The following SAMD3 variants were observed in gnomAD, a reference collection of about 807,000 sequenced individuals.
SAMD3 encodes the protein sterile alpha motif domain-containing protein 3.
A neutral mutation model predicts 58.5 loss-of-function variants in SAMD3; 63 were observed. The ratio of observed to expected loss-of-function variants is 1.08; its 90% CI spans 0.88 to 1.33. SAMD3 has a LOEUF of 1.33. SAMD3 is among the 40% of genes most tolerant of loss of function. SAMD3 has a pLI of 0.00. For missense variants in SAMD3, 604 were observed against 608.4 expected (o/e 0.99, Z 0.08); for synonymous variants, 220 against 210.3 (o/e 1.05, Z -0.40).
chr6:130,226,146 C>T (rs532159067), upstream of SAMD3, among the ~76,000 whole-genome samples: 1 of 152,316 alleles, frequency 6.6e-6, no homozygotes. Flanking sequence ...GATGGGCAGA[C>T]TGGAGCTTGA....
downstream of SAMD3, chr6:130,142,898 TAAAG>T (rs1788349505): frequency 6.6e-6 from 1 of 152,164 alleles, no homozygotes; most frequent in Non-Finnish European, 1.5e-5. Context: ...TTTGGGGAAA[TAAAG>T]GAAAGTTTGT....
At chr6:130,148,143 C>T (rs910108937) in intron 9 of SAMD3, among the ~76,000 whole-genome samples, 5 of 152,198 alleles carry the variant, frequency 3.3e-5, no homozygotes, top group African/African-American at 9.6e-5. Flanking sequence ...TTGCCTGAAT[C>T]AAGTACTACT....
chr6:130,300,603 A>T (rs1013422277), intron 2 of SAMD3, among the ~76,000 whole-genome samples: 2 of 152,228 alleles, frequency 1.3e-5, no homozygotes, highest in Admixed American at 1.3e-4. Context: ...CTCCTATTCA[A>T]CATAGTACTG....
At chr6:130,224,910 G>A (rs764922737), upstream of SAMD3, among the ~76,000 whole-genome samples, 8 of 152,182 alleles carry the variant, frequency 5.3e-5, no homozygotes, top group Non-Finnish European at 7.4e-5. Flanking sequence ...GAGTCACCAC[G>A]CCCAGCCCGA....
At chr6:130,144,093 A>T (rs552888427), downstream of SAMD3, 2 of 163,368 alleles carry the variant, frequency 1.2e-5, no homozygotes, top group African/African-American at 4.8e-5. Context: ...GAAATGTTCA[A>T]TGCAAGTTCA....
chr6:130,154,695 GAAAAAAAAA>G (rs145408019), intron 9 of SAMD3, 121 bp downstream of exon 9: 1,246 of 108,450 alleles, frequency 0.011, 7 homozygotes, highest in East Asian at 0.033. Flanking sequence ...GACTCTGTCT[GAAAAAAAAA>G]AAAAAAAAAA....
chr6:130,347,964 A>AAT (rs1453071801), intron 1 of SAMD3, among the ~76,000 whole-genome samples: 3 of 152,218 alleles, frequency 2.0e-5, no homozygotes, highest in Admixed American at 6.5e-5. Flanking sequence ...AGAATTTCAT[A>AAT]TCCAGCCAAA....
chr6:130,244,465 A>G (rs1773468805), intron 2 of SAMD3, among the ~76,000 whole-genome samples: 1 of 152,118 alleles, frequency 6.6e-6, no homozygotes, highest in Non-Finnish European at 1.5e-5. Context: ...AGGGCTGGGC[A>G]TGGTGGCCCA....
chr6:130,365,590 C>A, upstream of SAMD3: 1 of 985,424 alleles, frequency 1.0e-6, no homozygotes, highest in Non-Finnish European at 1.2e-6. Context: ...CCCAGCCGCT[C>A]CGGAGAACTG....
At chr6:130,260,854 G>C (rs1229809584) in intron 2 of SAMD3, among the ~76,000 whole-genome samples, 3 of 152,358 alleles carry the variant, frequency 2.0e-5, no homozygotes, top group Non-Finnish European at 2.9e-5. Flanking sequence ...CTGGTACTTG[G>C]AGTCTGGACA....
chr6:130,267,677 A>G (rs1774409162), intron 2 of SAMD3, among the ~76,000 whole-genome samples: 1 of 152,198 alleles, frequency 6.6e-6, no homozygotes, highest in South Asian at 2.1e-4. Flanking sequence ...GGTAGTTAAA[A>G]TTTGACCCCT....
At chr6:130,180,658 G>A (rs1429795679) in intron 7 of SAMD3, among the ~76,000 whole-genome samples, 1 of 152,114 alleles carries the variant, frequency 6.6e-6, no homozygotes, top group African/African-American at 2.4e-5. Flanking sequence ...TTTTTTAAGA[G>A]AAATTTTGCT....
At chr6:130,334,349 A>C (rs929657758) in intron 1 of SAMD3, among the ~76,000 whole-genome samples, 3 of 152,194 alleles carry the variant, frequency 2.0e-5, no homozygotes, top group Non-Finnish European at 2.9e-5. Flanking sequence ...AAGGAAAAAA[A>C]CAAACAAAAA....
Position 130,301,482 on chromosome 6 carries a change from A to G in SAMD3, c.-188+11496T>C, listed in dbSNP as rs143458404. On this transcript the variant is annotated intron_variant, in intron 2 of 13. Transcript: ENST00000368134. ...CCATCCCCATGAACAAGAAGAATCAATATCATTAAAATGACCATACTGCCC... is the reference window on the plus strand; with the variant it reads ...CCATCCCCATGAACAAGAAGAATCAGTATCATTAAAATGACCATACTGCCC... 2.2e-3 allele frequency among the ~76,000 whole-genome samples: 334 copies of G among 152,328 alleles called. 1 individual carries two copies. The highest frequency in any genetic ancestry group is 7.6e-3 in the African/African-American group (318 of 41,580).
chr6:130,260,193 C>A (rs897583725), intron 2 of SAMD3, among the ~76,000 whole-genome samples: 1 of 152,194 alleles, frequency 6.6e-6, no homozygotes, highest in African/African-American at 2.4e-5. Flanking sequence ...AAACTAAAGG[C>A]AGGTAGCCCG....
intron 4 of SAMD3, among the ~76,000 whole-genome samples, chr6:130,209,822 C>A (rs949922597): frequency 3.3e-5 from 5 of 152,192 alleles, no homozygotes; most frequent in African/African-American, 1.2e-4. Flanking sequence ...CAGACTGATG[C>A]CTGTTCATAA....
intron 8 of SAMD3, among the ~76,000 whole-genome samples, chr6:130,172,259 T>C (rs1237959653): frequency 1.3e-5 from 2 of 152,236 alleles, no homozygotes; most frequent in African/African-American, 4.8e-5. Flanking sequence ...ATCATGATGC[T>C]AGCTGGTTAT....
intron 2 of SAMD3, among the ~76,000 whole-genome samples, chr6:130,306,504 C>T (rs1362011013): frequency 6.6e-6 from 1 of 152,198 alleles, no homozygotes; most frequent in East Asian, 1.9e-4. Flanking sequence ...CATCTACTCT[C>T]ACAGGTGGCT....
rs1231978601 is a variant in SAMD3, at chr6:130,343,079, GT to G, written c.-304+22040del. Among the ~76,000 whole-genome samples the G allele has an allele frequency of 4.0e-5, 6 of 151,686 alleles. No individual in the cohort carries two copies. The South Asian group carries it at 8.4e-4, about 21-fold the overall frequency. Reference sequence around the variant, plus strand: ...AATTACTGATTTCTGTGTACTTTTAGTTTTTTGTCTAATTTTATATTAAATC... The same window carrying G: ...AATTACTGATTTCTGTGTACTTTTAGTTTTTGTCTAATTTTATATTAAATC... On this transcript the variant is annotated intron_variant, in intron 1 of 13. Coordinates refer to the SAMD3 transcript ENST00000368134.
Sources: allele counts gnomAD v4.1 joint callset (sites outside exome capture counted in the v4.1 genomes callset), GRCh38; gene constraint gnomAD v4.1.1; transcripts MANE v1.5; gene names NCBI Gene and HGNC (gene_info 2026-07-23, HGNC 2026-07-21).